The following TMEM132D variants were observed in gnomAD, a reference collection of about 807,000 sequenced individuals.
TMEM132D encodes transmembrane protein 132D.
A neutral mutation model predicts 62.3 loss-of-function variants in TMEM132D; 21 were observed. The observed-to-expected ratio is 0.34, with a 90% CI of 0.24 to 0.49. The LOEUF is 0.49. Ranked by LOEUF, TMEM132D falls within the 20% of genes least tolerant of loss-of-function variation. TMEM132D has a pLI of 0.99. For synonymous variants in TMEM132D, 621 were observed against 575.6 expected (o/e 1.08, Z -1.13); for missense variants, 1,346 against 1,402.8 (o/e 0.96, Z 0.65).
At chr12:129,701,878 C>G (rs1881394597) in intron 1 of TMEM132D, among the ~76,000 whole-genome samples, 1 of 152,212 alleles carries the variant, frequency 6.6e-6, no homozygotes, top group Non-Finnish European at 1.5e-5. Flanking sequence ...AGCCTGATGC[C>G]TTCCCGAGTC....
At chr12:129,555,736 A>C (rs1478109944) in intron 2 of TMEM132D, among the ~76,000 whole-genome samples, 1 of 152,240 alleles carries the variant, frequency 6.6e-6, no homozygotes, top group East Asian at 1.9e-4. Flanking sequence ...AATAAAAAAC[A>C]AAAAATAAAA....
chr12:129,756,499 A>C (rs1169822138), intron 1 of TMEM132D, among the ~76,000 whole-genome samples: 2 of 152,174 alleles, frequency 1.3e-5, no homozygotes, highest in Non-Finnish European at 2.9e-5. Flanking sequence ...AGAAAGTAGC[A>C]TGGCAGCTGT....
chr12:129,174,509 T>G (rs1281062827), intron 5 of TMEM132D, among the ~76,000 whole-genome samples: 1 of 152,242 alleles, frequency 6.6e-6, no homozygotes. Context: ...TCCATGACTT[T>G]GCTATTGTAA....
rs574755694 is a variant in TMEM132D at position 129,786,812 on chromosome 12, A to T, written c.80-86114T>A. ...AGGCTGAGGCAGGAGAATCGCTTGA[A>T]CCCGGGAGGTGGAGGTTGCAGTGAG... On this transcript the variant is annotated intron_variant, in intron 1 of 8. Coordinates refer to ENST00000422113, the MANE Select transcript of TMEM132D (RefSeq NM_133448.3). Among the ~76,000 whole-genome samples, 69 of 152,202 alleles carry T rather than the reference A, an allele frequency of 4.5e-4. 1 individual carries two copies. Among genetic ancestry groups the T allele is most frequent in the Non-Finnish European group, 7.9e-4 (54 of 68,008 alleles).
intron 3 of TMEM132D, among the ~76,000 whole-genome samples, chr12:129,419,470 C>T (rs1872231321): frequency 6.6e-6 from 1 of 152,012 alleles, no homozygotes; most frequent in Non-Finnish European, 1.5e-5. Context: ...GCACTGTGCA[C>T]AGTGTAAGGA....
rs1174171816 is a variant in TMEM132D, at chr12:129,429,681, C to T, written c.1116-91864G>A. 4.0e-5 allele frequency among the ~76,000 whole-genome samples: 6 copies of T among 151,126 alleles called. No homozygotes were observed. The East Asian group carries it at 5.9e-4, about 15-fold the overall frequency. Reference sequence around the variant, plus strand: ...CATGTGCCATGTTAGTGTGCTGCACCCATTAACTCGTCACTTAGCATTAGG... The same window carrying T: ...CATGTGCCATGTTAGTGTGCTGCACTCATTAACTCGTCACTTAGCATTAGG... On this transcript the variant is annotated intron_variant, in intron 3 of 8. Transcript: ENST00000422113.
chr12:129,818,362 G>C (rs1482157819), intron 1 of TMEM132D, among the ~76,000 whole-genome samples: 3 of 147,270 alleles, frequency 2.0e-5, no homozygotes, highest in Non-Finnish European at 4.5e-5. Context: ...TGTGGTGTAT[G>C]TGTGTGTATG....
At chr12:129,861,350 T>C (rs1474880486) in intron 1 of TMEM132D, among the ~76,000 whole-genome samples, 4 of 152,214 alleles carry the variant, frequency 2.6e-5, no homozygotes, top group African/African-American at 7.2e-5. Context: ...ATTTAGTTTA[T>C]AGTTGGAATG....
chr12:129,326,073 C>G (rs3861079), intron 4 of TMEM132D, among the ~76,000 whole-genome samples: 144,928 of 152,256 alleles, frequency 0.95, 69,406 homozygotes, highest in East Asian at 1. Flanking sequence ...TCGGGGCTGA[C>G]CTATCAAACC....
chr12:129,267,211 G>C (rs892903409), intron 4 of TMEM132D, among the ~76,000 whole-genome samples: 2 of 152,078 alleles, frequency 1.3e-5, no homozygotes, highest in African/African-American at 4.8e-5. Context: ...AAGAAATAAA[G>C]GGTATTCAAT....
chr12:129,832,978 C>G (rs1341029684), intron 1 of TMEM132D, among the ~76,000 whole-genome samples: 1 of 152,212 alleles, frequency 6.6e-6, no homozygotes, highest in African/African-American at 2.4e-5. Flanking sequence ...GCTGGTCACT[C>G]TCAGAAAGTC....
chr12:129,180,909 G>A lies in TMEM132D; in HGVS notation c.1443+28611C>T, dbSNP rs375611515. On this transcript the variant is annotated intron_variant, in intron 5 of 8. Transcript: ENST00000422113. ...ACTGAGCCTTCCGGGCTACAGAGAG[G>A]AGTCTAGAATGTTTTCTTGGTGGGA... is the stretch of plus-strand genomic sequence containing the variant. 6.2e-4 allele frequency among the ~76,000 whole-genome samples: 94 copies of A among 152,128 alleles called. 1 individual carries two copies. Among genetic ancestry groups the A allele is most frequent in the African/African-American group, 2.1e-3 (85 of 41,430 alleles).
chr12:129,813,611 G>GATAT (rs3046846), intron 1 of TMEM132D, among the ~76,000 whole-genome samples: 4,524 of 136,366 alleles, frequency 0.033, 260 homozygotes, highest in African/African-American at 0.064. Context: ...CAGAAAATGT[G>GATAT]ATATATATAT....
intron 2 of TMEM132D, among the ~76,000 whole-genome samples, chr12:129,545,872 G>A (rs1253565318): frequency 2.6e-5 from 4 of 152,164 alleles, no homozygotes; most frequent in African/African-American, 9.7e-5. Context: ...AGGTAAAACC[G>A]TCTCTCGGAG....
intron 1 of TMEM132D, among the ~76,000 whole-genome samples, chr12:129,799,125 T>C (rs1166830981): frequency 1.3e-5 from 2 of 151,592 alleles, no homozygotes; most frequent in African/African-American, 2.4e-5. Flanking sequence ...ATTAGCTGGG[T>C]GTGGTGGCAG....
chr12:129,524,105 T>C lies in TMEM132D; in HGVS notation c.1115+6954A>G, dbSNP rs1264979540. ...GTGGGGTGGGGGGAGTGGGGAGGGATAGCATTAGGAGATATACCTAATGCT... is the reference window on the plus strand; with the variant it reads ...GTGGGGTGGGGGGAGTGGGGAGGGACAGCATTAGGAGATATACCTAATGCT... On this transcript the variant is annotated intron_variant, in intron 3 of 8. Coordinates refer to ENST00000422113, the MANE Select transcript of TMEM132D (RefSeq NM_133448.3). Among the ~76,000 whole-genome samples, 21 of 151,836 alleles carry C rather than the reference T, an allele frequency of 1.4e-4. 1 individual carries two copies. Among genetic ancestry groups the C allele is most frequent in the Admixed American group, 1.4e-3 (21 of 15,244 alleles).
intron 3 of TMEM132D, among the ~76,000 whole-genome samples, chr12:129,374,806 G>A (rs1870735821): frequency 6.6e-6 from 1 of 152,228 alleles, no homozygotes; most frequent in Non-Finnish European, 1.5e-5. Flanking sequence ...AAGCCTCAGA[G>A]AAAGAGGATG....
intron 5 of TMEM132D, among the ~76,000 whole-genome samples, chr12:129,097,178 C>A (rs1376097796): frequency 1.3e-5 from 2 of 152,230 alleles, no homozygotes; most frequent in Non-Finnish European, 2.9e-5. Context: ...CTGAGCAGCA[C>A]CCCTGGCCTC....
chr12:129,275,811 GA>G (rs1880990167), intron 4 of TMEM132D, among the ~76,000 whole-genome samples: 2 of 152,310 alleles, frequency 1.3e-5, no homozygotes, highest in Admixed American at 1.3e-4. Flanking sequence ...GCAGGTCCCA[GA>G]AATAAGAGAG....
Sources: allele counts gnomAD v4.1 joint callset (sites outside exome capture counted in the v4.1 genomes callset), GRCh38; gene constraint gnomAD v4.1.1; transcripts MANE v1.5; gene names NCBI Gene and HGNC (gene_info 2026-07-23, HGNC 2026-07-21).